The following DYM variants were observed in gnomAD, a reference collection of about 807,000 sequenced individuals.
DYM encodes dyggve-Melchior-Clausen syndrome protein.
A neutral mutation model predicts 93.1 loss-of-function variants in DYM; 78 were observed. The ratio of observed to expected loss-of-function variants is 0.84; its 90% confidence interval spans 0.70 to 1.01. The LOEUF is 1.01. Ranked by LOEUF, DYM falls within the 50% of genes least tolerant of loss-of-function variation. The pLI is 0.00. For synonymous variants in DYM, 321 were observed against 319.7 expected (o/e 1.00, Z -0.04); for missense variants, 789 against 845.0 (o/e 0.93, Z 0.82).
At chr18:49,236,445 A>T (rs146409266) in intron 13 of DYM, among the ~76,000 whole-genome samples, 12,606 of 151,266 alleles carry the variant, frequency 0.083, 648 homozygotes, top group East Asian at 0.18. Context: ...GTGCCAATGC[A>T]CTCCAGCCTG....
chr18:49,437,992 C>T (rs371441853), intron 1 of DYM, among the ~76,000 whole-genome samples: 14 of 152,140 alleles, frequency 9.2e-5, no homozygotes, highest in African/African-American at 3.1e-4. Flanking sequence ...CCCAGGAGTA[C>T]GAGGCCAGCC....
chr18:49,200,994 C>A (rs1054748793), intron 14 of DYM, among the ~76,000 whole-genome samples: 16 of 152,040 alleles, frequency 1.1e-4, no homozygotes, highest in Admixed American at 6.5e-5. Flanking sequence ...GGAAAATAAT[C>A]CAGAATCACG....
intron 1 of DYM, among the ~76,000 whole-genome samples, chr18:49,457,307 G>A (rs1038195501): frequency 1.3e-5 from 2 of 152,120 alleles, no homozygotes; most frequent in African/African-American, 4.8e-5. Flanking sequence ...TGCCCCCAGC[G>A]TGTCCTGTGT....
intron 13 of DYM, among the ~76,000 whole-genome samples, chr18:49,241,714 A>G (rs1404373231): frequency 6.6e-6 from 1 of 152,218 alleles, no homozygotes; most frequent in African/African-American, 2.4e-5. Context: ...CAAATAATCC[A>G]GGGTAGGGAG....
intron 14 of DYM, among the ~76,000 whole-genome samples, chr18:49,182,985 C>T (rs1568556525): frequency 6.6e-6 from 1 of 152,084 alleles, no homozygotes; most frequent in African/African-American, 2.4e-5. Context: ...GAAGAAAACC[C>T]CACAGTTTTA....
intron 16 of DYM, 119 bp from the exon 17 acceptor site, chr18:49,097,634 T>C (rs1454451753): frequency 1.1e-6 from 1 of 912,162 alleles, no homozygotes; most frequent in Non-Finnish European, 1.7e-6. Flanking sequence ...ACCCGGCTTT[T>C]AATTCACTAG....
At chr18:49,439,768 C>T (rs932020239) in intron 1 of DYM, among the ~76,000 whole-genome samples, 1 of 152,154 alleles carries the variant, frequency 6.6e-6, no homozygotes, top group Admixed American at 6.5e-5. Flanking sequence ...CTTTGGGAGG[C>T]TAAGGTACAA....
At chr18:49,093,798 C>G (rs2079297148) in intron 17 of DYM, among the ~76,000 whole-genome samples, 1 of 152,068 alleles carries the variant, frequency 6.6e-6, no homozygotes. Flanking sequence ...ACGAAAGATG[C>G]TTAGGGTGAG....
intron 15 of DYM, among the ~76,000 whole-genome samples, chr18:49,135,650 G>C (rs536859440): frequency 6.6e-6 from 1 of 152,164 alleles, no homozygotes; most frequent in African/African-American, 2.4e-5. Context: ...GGCACTAAGA[G>C]AAACTAACGT....
At chr18:49,289,776 C>T (rs868277046) in intron 8 of DYM, among the ~76,000 whole-genome samples, 1,519 of 84,876 alleles carry the variant, frequency 0.018, 14 homozygotes, top group East Asian at 0.028. Context: ...TATATATACA[C>T]ATATATATAT....
intron 2 of DYM, among the ~76,000 whole-genome samples, chr18:49,418,276 C>G (rs993150507): frequency 3.0e-4 from 46 of 151,946 alleles, no homozygotes; most frequent in Non-Finnish European, 2.4e-4. Flanking sequence ...ATAATAAGTA[C>G]AGGTCTGTTT....
intron 1 of DYM, among the ~76,000 whole-genome samples, chr18:49,448,795 C>T (rs75663396): frequency 0.015 from 2,213 of 152,300 alleles, 53 homozygotes; most frequent in African/African-American, 0.05. Flanking sequence ...ATTTCTTTGA[C>T]CCTGAAACTT....
intron 16 of DYM, among the ~76,000 whole-genome samples, chr18:49,102,339 T>C (rs918831659): frequency 7.9e-5 from 12 of 152,240 alleles, no homozygotes; most frequent in African/African-American, 2.9e-4. Flanking sequence ...AAATTTGTTC[T>C]ATTTCCCTTG....
At chr18:49,243,686 A>G (rs2094092217) in intron 13 of DYM, among the ~76,000 whole-genome samples, 1 of 151,780 alleles carries the variant, frequency 6.6e-6, no homozygotes, top group East Asian at 1.9e-4. Context: ...AAAAAAGAAA[A>G]AAGAAAAAAA....
intron 6 of DYM, among the ~76,000 whole-genome samples, chr18:49,344,705 A>G (rs2939611): frequency 0.17 from 25,187 of 144,004 alleles, 2,873 homozygotes; most frequent in East Asian, 0.34. Context: ...CCTTTTGGGG[A>G]AAAAAAAAAA....
At chr18:49,045,050 G>A (rs1489143788) in intron 17 of DYM, among the ~76,000 whole-genome samples, 1 of 152,244 alleles carries the variant, frequency 6.6e-6, no homozygotes, top group Non-Finnish European at 1.5e-5. Flanking sequence ...AGCAGCTTGA[G>A]GAGTGGCTAG....
chr18:49,288,378 T>C (rs1377177192), intron 8 of DYM, among the ~76,000 whole-genome samples: 6 of 152,102 alleles, frequency 3.9e-5, no homozygotes, highest in Non-Finnish European at 5.9e-5. Context: ...AAACCTAAAA[T>C]AGAGATGATC....
intron 16 of DYM, among the ~76,000 whole-genome samples, chr18:49,103,159 A>G (rs2080372956): frequency 6.6e-6 from 1 of 152,154 alleles, no homozygotes; most frequent in Non-Finnish European, 1.5e-5. Flanking sequence ...CATTTCTCTG[A>G]TGGCCAGTGA....
intron 14 of DYM, among the ~76,000 whole-genome samples, chr18:49,197,788 G>A (rs2091610216): frequency 6.6e-6 from 1 of 152,158 alleles, no homozygotes; most frequent in African/African-American, 2.4e-5. Context: ...TCAATATCAT[G>A]AAACTGGCCA....
Sources: allele counts gnomAD v4.1 joint callset (sites outside exome capture counted in the v4.1 genomes callset), GRCh38; gene constraint gnomAD v4.1.1; transcripts MANE v1.5; gene names NCBI Gene and HGNC (gene_info 2026-07-23, HGNC 2026-07-21).